Variants in NRXN3 observed in about 807,000 individuals in gnomAD.
NRXN3 encodes neurexin III.
NRXN3 carries 32 observed loss-of-function variants against 137.6 expected under a neutral mutation model. That is an observed-to-expected ratio of 0.23 (90% CI 0.18 to 0.31). The LOEUF is 0.31. NRXN3 is among the 10% of genes least tolerant of loss of function. The pLI, the probability that NRXN3 is intolerant of heterozygous loss-of-function variation, is 1.00. For missense variants in NRXN3, 1,574 were observed against 2,062.5 expected (o/e 0.76, Z 4.59); for synonymous variants, 798 against 784.5 (o/e 1.02, Z -0.29).
At chr14:79,713,668 TACC>T (rs1018982619) in intron 19 of NRXN3, among the ~76,000 whole-genome samples, 3 of 141,100 alleles carry the variant, frequency 2.1e-5, no homozygotes, top group Non-Finnish European at 4.7e-5. Context: ...AGAATTACTG[TACC>T]ACCAATTCCC....
At chr14:78,524,867 T>A (rs2096353568) in intron 4 of NRXN3, among the ~76,000 whole-genome samples, 1 of 152,140 alleles carries the variant, frequency 6.6e-6, no homozygotes, top group South Asian at 2.1e-4. Context: ...TGGGCAAGGA[T>A]CATGAAAAAG....
intron 15 of NRXN3, among the ~76,000 whole-genome samples, chr14:79,225,250 T>G (rs533193180): frequency 9.2e-5 from 14 of 152,212 alleles, no homozygotes; most frequent in African/African-American, 3.4e-4. Context: ...GTTGGACAGG[T>G]TCTGTTTGAA....
chr14:79,336,059 A>C (rs960866110), intron 15 of NRXN3, among the ~76,000 whole-genome samples: 1 of 152,286 alleles, frequency 6.6e-6, no homozygotes. Flanking sequence ...GACTACCTCA[A>C]GTTGGTCAGG....
At chr14:78,419,232 T>A (rs1000982815) in intron 4 of NRXN3, among the ~76,000 whole-genome samples, 3 of 152,144 alleles carry the variant, frequency 2.0e-5, no homozygotes, top group Non-Finnish European at 2.9e-5. Context: ...TCCAACTTTT[T>A]AATTTTTTTA....
chr14:78,742,393 G>T (rs1249719104), intron 8 of NRXN3, among the ~76,000 whole-genome samples: 1 of 151,992 alleles, frequency 6.6e-6, no homozygotes, highest in Non-Finnish European at 1.5e-5. Context: ...ATAATAATGA[G>T]GAAATTCTAT....
At chr14:78,963,012 C>A (rs946385934) in intron 11 of NRXN3, among the ~76,000 whole-genome samples, 8 of 152,118 alleles carry the variant, frequency 5.3e-5, no homozygotes, top group Admixed American at 1.3e-4. Context: ...ATGGCCTTCT[C>A]CCCCTCCCCT....
chr14:78,349,053 T>A (rs2083132372), intron 4 of NRXN3, among the ~76,000 whole-genome samples: 2 of 152,246 alleles, frequency 1.3e-5, no homozygotes. Flanking sequence ...TGAGAGCCTA[T>A]CAGGGACCAC....
intron 15 of NRXN3, among the ~76,000 whole-genome samples, chr14:79,287,664 C>G (rs1464744721): frequency 1.3e-5 from 2 of 152,136 alleles, no homozygotes; most frequent in African/African-American, 2.4e-5. Flanking sequence ...TTAGAATTGA[C>G]TTTGTGAAGC....
intron 2 of NRXN3, among the ~76,000 whole-genome samples, chr14:78,253,846 C>G (rs1256279671): frequency 8.8e-6 from 1 of 114,044 alleles, no homozygotes; most frequent in Non-Finnish European, 1.6e-5. Flanking sequence ...ATAATGGGAG[C>G]TTGGTGCTTT....
At chr14:78,716,750 A>G (rs1307669049) in intron 8 of NRXN3, among the ~76,000 whole-genome samples, 1 of 152,230 alleles carries the variant, frequency 6.6e-6, no homozygotes, top group Non-Finnish European at 1.5e-5. Context: ...TTTCAAGAGA[A>G]CTACAAACCC....
intron 19 of NRXN3, among the ~76,000 whole-genome samples, 192 bp downstream of exon 19, chr14:79,698,129 C>G (rs2098741890): frequency 6.6e-6 from 1 of 151,952 alleles, no homozygotes; most frequent in African/African-American, 2.4e-5. Flanking sequence ...AAGTCTGTGG[C>G]ACTCCTGGGT....
chr14:79,730,576 A>G (rs771448008), intron 19 of NRXN3, among the ~76,000 whole-genome samples: 3 of 152,218 alleles, frequency 2.0e-5, no homozygotes, highest in Non-Finnish European at 4.4e-5. Flanking sequence ...GAAGTTCATT[A>G]TAATAATTAA....
At chr14:78,954,960 T>C (rs10483919) in intron 10 of NRXN3, among the ~76,000 whole-genome samples, 9,057 of 152,168 alleles carry the variant, frequency 0.06, 405 homozygotes, top group Admixed American at 0.084. Context: ...TATATCTCTA[T>C]AGGTACTGTC....
At chr14:79,347,477 A>AGTG (rs2092950219) in intron 15 of NRXN3, among the ~76,000 whole-genome samples, 8 of 151,146 alleles carry the variant, frequency 5.3e-5, no homozygotes, top group African/African-American at 2.0e-4. Context: ...GCTGGAGTGC[A>AGTG]GTGGCGTGAT....
Position 79,041,506 on chromosome 14 carries a change from C to A in NRXN3, c.3262+53365C>A, listed in dbSNP as rs2099624991. ...GGCCTAGGGTTAGGGGAGATAAGTT[C>A]TTAATATGTCTTAATATAGCCTTGG... On this transcript the variant is annotated intron_variant, in intron 15 of 20. Transcript: ENST00000335750. Among the ~76,000 whole-genome samples the A allele has an allele frequency of 2.0e-5, 3 of 152,246 alleles. No homozygotes were observed. The South Asian group carries it at 6.2e-4, about 32-fold the overall frequency.
chr14:79,265,940 CA>C (rs1278918757), intron 15 of NRXN3, among the ~76,000 whole-genome samples: 1 of 152,094 alleles, frequency 6.6e-6, no homozygotes, highest in East Asian at 1.9e-4. Flanking sequence ...TTGAAATTAA[CA>C]GGTGGGTGGT....
At chr14:78,961,297 C>T (rs2099407739) in intron 11 of NRXN3, among the ~76,000 whole-genome samples, 1 of 151,990 alleles carries the variant, frequency 6.6e-6, no homozygotes, top group African/African-American at 2.4e-5. Context: ...TGACCAGGAA[C>T]CTCATGTGTG....
intron 15 of NRXN3, among the ~76,000 whole-genome samples, chr14:79,466,987 AG>A (rs1322708337): frequency 6.6e-6 from 1 of 152,230 alleles, no homozygotes; most frequent in Non-Finnish European, 1.5e-5. Context: ...TAAGATGTTA[AG>A]AACGACTCTT....
At chr14:78,235,004 A>ATATATATATATATATGTGTG (rs1390760523) in intron 1 of NRXN3, among the ~76,000 whole-genome samples, 12 of 65,646 alleles carry the variant, frequency 1.8e-4, no homozygotes, top group Admixed American at 3.6e-4. Flanking sequence ...TTATATATAT[A>ATATATATATATATATGTGTG]TATATATATA....
Sources: gnomAD v4.1 joint callset for allele counts (sites outside exome capture counted in the v4.1 genomes callset) on GRCh38, gnomAD v4.1.1 for gene constraint, MANE v1.5 for transcripts, NCBI Gene and HGNC (gene_info 2026-07-23, HGNC 2026-07-21) for gene names.